GPHN: variants seen among roughly 807,000 people sequenced by gnomAD.
The protein encoded by GPHN is gephyrin.
GPHN carries 17 observed loss-of-function variants against 95.5 expected under a neutral mutation model. The observed-to-expected ratio is 0.18, with a 90% CI of 0.12 to 0.27. The LOEUF (loss-of-function observed/expected upper bound fraction) is 0.27. GPHN is among the 10% of genes least tolerant of loss of function. The pLI is 1.00. For synonymous variants in GPHN, 320 were observed against 322.5 expected (o/e 0.99, Z 0.08); for missense variants, 660 against 978.1 (o/e 0.67, Z 4.34).
chr14:67,147,387 G>A (rs1217229213), intron 18 of GPHN, among the ~76,000 whole-genome samples: 1 of 152,174 alleles, frequency 6.6e-6, no homozygotes, highest in Admixed American at 6.5e-5. Flanking sequence ...GAAATTCTCT[G>A]TGGATGACAA....
chr14:67,316,757 CCTT>C, the GPHN span: 6 of 1,172,854 alleles, frequency 5.1e-6, no homozygotes, highest in African/African-American at 8.3e-5. Flanking sequence ...TAGTGTTTTC[CCTT>C]CTTGATTAAA....
chr14:66,680,568 T>G (rs941808), intron 1 of GPHN, among the ~76,000 whole-genome samples: 151,528 of 152,282 alleles, frequency 1, 75,427 homozygotes, highest in Middle Eastern at 1. Context: ...AGCTGTGCTG[T>G]TTTTTCTTTT....
At chr14:66,706,084 C>G (rs1566846001) in intron 2 of GPHN, among the ~76,000 whole-genome samples, 1 of 151,978 alleles carries the variant, frequency 6.6e-6, no homozygotes, top group Non-Finnish European at 1.5e-5. Context: ...GAATAAAATA[C>G]CTAGGAATAC....
the GPHN span, chr14:67,727,167 G>A: frequency 6.2e-6 from 10 of 1,613,396 alleles, no homozygotes; most frequent in South Asian, 5.5e-5. Context: ...CTTTTTACTC[G>A]TGAGCTGGCC....
the GPHN span, among the ~76,000 whole-genome samples, chr14:67,465,343 G>A: frequency 1.6e-5 from 2 of 128,726 alleles, no homozygotes; most frequent in Non-Finnish European, 3.7e-5. Context: ...GGAGCTGCAG[G>A]GAGAACTACA....
chr14:66,640,577 T>C (rs2064337464), intron 1 of GPHN, among the ~76,000 whole-genome samples: 1 of 152,236 alleles, frequency 6.6e-6, no homozygotes, highest in South Asian at 2.1e-4. Flanking sequence ...CTTATTGTTA[T>C]ACTATGAAAT....
At chr14:67,199,001 G>A in the GPHN span, 5 of 706,186 alleles carry the variant, frequency 7.1e-6, no homozygotes, top group Non-Finnish European at 1.3e-5. Flanking sequence ...ACAGAGGGGT[G>A]ACAAGGGAGG....
the GPHN span, chr14:67,381,762 CTT>C: frequency 4.0e-3 from 3,261 of 813,250 alleles, no homozygotes; most frequent in South Asian, 6.3e-3. Context: ...ATCTTTGTTT[CTT>C]TTTTTTTTTT....
the GPHN span, among the ~76,000 whole-genome samples, chr14:67,606,764 A>C: frequency 1.3e-5 from 2 of 152,130 alleles, no homozygotes; most frequent in Non-Finnish European, 2.9e-5. Context: ...CTCCTGCCTC[A>C]GCCTCCCAAG....
At position 66,897,727 on chromosome 14, in the gene GPHN, A is replaced by G. The variant is rs369814638; in HGVS notation, c.389+17694A>G. Among the ~76,000 whole-genome samples, 37 of 152,130 alleles carry G rather than the reference A, an allele frequency of 2.4e-4. No individual in the cohort carries two copies. In the South Asian group the frequency reaches 6.6e-3, roughly 27 times the overall value. On this transcript the variant is annotated intron_variant, in intron 5 of 22. Coordinates refer to ENST00000478722, the MANE Select transcript of GPHN (RefSeq NM_020806.5). ...TATATGCACTACAGTTTGTTCAACC[A>G]TTTTCTGTTGAAGGACATCTGGGTT... is the stretch of plus-strand genomic sequence containing the variant.
chr14:67,506,128 G>A, the GPHN span, among the ~76,000 whole-genome samples: 1 of 152,222 alleles, frequency 6.6e-6, no homozygotes, highest in Non-Finnish European at 1.5e-5. Flanking sequence ...TACCCAGTGA[G>A]CACTTTCCTG....
the GPHN span, among the ~76,000 whole-genome samples, chr14:67,382,908 C>CGTGTGT: frequency 3.5e-5 from 5 of 144,096 alleles, no homozygotes; most frequent in South Asian, 2.1e-4. Flanking sequence ...TGCGTGCGTG[C>CGTGTGT]GTGTGTGTGT....
At chr14:67,560,696 A>G in the GPHN span, among the ~76,000 whole-genome samples, 1 of 151,670 alleles carries the variant, frequency 6.6e-6, no homozygotes, top group South Asian at 2.1e-4. Context: ...AAGGAGTGGG[A>G]ATTGCAGTTT....
the GPHN span, chr14:67,338,514 T>G: frequency 1.5e-5 from 19 of 1,256,802 alleles, no homozygotes; most frequent in Non-Finnish European, 2.0e-5. Context: ...TTACAACCAG[T>G]GAAATTCTTA....
chr14:66,880,193 C>T (rs557620395), intron 5 of GPHN, among the ~76,000 whole-genome samples, 160 bp downstream of exon 5: 1 of 151,868 alleles, frequency 6.6e-6, no homozygotes, highest in Non-Finnish European at 1.5e-5. Flanking sequence ...TACCTACTAT[C>T]ATTGTTAAAA....
At chr14:67,268,692 G>A in the GPHN span, among the ~76,000 whole-genome samples, 1 of 152,284 alleles carries the variant, frequency 6.6e-6, no homozygotes, top group African/African-American at 2.4e-5. Flanking sequence ...CATATAGTGA[G>A]CAGTGAGCAC....
chr14:67,420,079 C>T, the GPHN span, among the ~76,000 whole-genome samples: 1 of 152,310 alleles, frequency 6.6e-6, no homozygotes, highest in East Asian at 1.9e-4. Context: ...ATCCCTGAAC[C>T]TCTCAGCCCT....
intron 1 of GPHN, among the ~76,000 whole-genome samples, chr14:66,556,532 T>G (rs1241593300): frequency 6.6e-6 from 1 of 152,106 alleles, no homozygotes; most frequent in Non-Finnish European, 1.5e-5. Flanking sequence ...ACTAGGAATA[T>G]CCAAATAATC....
chr14:67,247,204 G>A, the GPHN span, among the ~76,000 whole-genome samples: 1 of 152,120 alleles, frequency 6.6e-6, no homozygotes, highest in African/African-American at 2.4e-5. Flanking sequence ...ATTTATGTGA[G>A]TATTGTAGTT....
Sources: gnomAD v4.1 joint callset for allele counts (sites outside exome capture counted in the v4.1 genomes callset) on GRCh38, gnomAD v4.1.1 for gene constraint, MANE v1.5 for transcripts, NCBI Gene and HGNC (gene_info 2026-07-23, HGNC 2026-07-21) for gene names.